CES5A: variants seen among roughly 807,000 people sequenced by gnomAD.
CES5A encodes carboxylesterase 5.
In CES5A, 67 loss-of-function variants were observed where a neutral mutation model predicts 62.9. The ratio of observed to expected loss-of-function variants is 1.07; its 90% confidence interval spans 0.88 to 1.31. The LOEUF is 1.31. Among genes scored for constraint, CES5A ranks in the 50% most tolerant of loss-of-function variants. The pLI, the probability that CES5A is intolerant of heterozygous loss-of-function variation, is 0.00. For synonymous variants in CES5A, 296 were observed against 280.8 expected, an observed-to-expected ratio of 1.05 and a Z score of -0.54; for missense variants, 748 against 708.5, an observed-to-expected ratio of 1.06 and a Z score of -0.63.
At chr16:55,906,954 T>G (rs1352053657) in intron 1 of CES5A, among the ~76,000 whole-genome samples, 2 of 152,206 alleles carry the variant, frequency 1.3e-5, no homozygotes, top group Non-Finnish European at 2.9e-5. Context: ...GTTTCCTCTT[T>G]CATGAAATGG....
chr16:55,906,246 T>C (rs1473597000), intron 1 of CES5A, among the ~76,000 whole-genome samples: 1 of 152,238 alleles, frequency 6.6e-6, no homozygotes. Flanking sequence ...CCCTGTTTCC[T>C]GGTGAGAGCA....
At chr16:55,869,585 G>T (rs1470501099) in intron 4 of CES5A, 26 bp downstream of exon 4, 1 of 1,611,020 alleles carries the variant, frequency 6.2e-7, no homozygotes, top group Admixed American at 1.7e-5. Flanking sequence ...GGGGATCTGG[G>T]ATGTCCATCA....
intron 2 of CES5A, among the ~76,000 whole-genome samples, chr16:55,944,996 C>T (rs544098484): frequency 1.8e-4 from 27 of 152,228 alleles, no homozygotes; most frequent in African/African-American, 5.5e-4. Flanking sequence ...TTGCTATATG[C>T]GTGATTTGAA....
intron 1 of CES5A, among the ~76,000 whole-genome samples, chr16:55,915,984 CAGTT>C (rs1193904411): frequency 6.6e-6 from 1 of 152,180 alleles, no homozygotes; most frequent in African/African-American, 2.4e-5. Context: ...AATAAAGAAA[CAGTT>C]TAATAGACAC....
chr16:55,905,694 C>A (rs1035947021), intron 1 of CES5A, among the ~76,000 whole-genome samples: 1 of 152,090 alleles, frequency 6.6e-6, no homozygotes, highest in East Asian at 1.9e-4. Context: ...CTTCCTCCCA[C>A]GCCCAGAGCA....
chr16:55,887,586 T>A (rs1487758894), intron 1 of CES5A, among the ~76,000 whole-genome samples: 1 of 152,134 alleles, frequency 6.6e-6, no homozygotes, highest in Non-Finnish European at 1.5e-5. Context: ...CAATGGATAC[T>A]GAACTTGTTC....
chr16:55,847,077 C>A (rs1378195858), intron 11 of CES5A, among the ~76,000 whole-genome samples: 1 of 152,158 alleles, frequency 6.6e-6, no homozygotes, highest in African/African-American at 2.4e-5. Context: ...CTGTCCACCC[C>A]GTGTTCCTGC....
Position 55,868,107 on chromosome 16 carries a change from G to C in CES5A, c.551+1504C>G, listed in dbSNP as rs548933153. Among the ~76,000 whole-genome samples the C allele has an allele frequency of 3.3e-5, 5 of 152,290 alleles. No homozygotes were observed. In the East Asian group the frequency reaches 9.7e-4, roughly 29 times the overall value. ...TGGCATTCAAGGCCTTTCCCTATCA[G>C]GCCTGTCCTTGCCTTCCCGCATCCA... On this transcript the variant is annotated intron_variant, in intron 4 of 12. Coordinates refer to ENST00000290567, the MANE Select transcript of CES5A (RefSeq NM_001143685.2).
intron 8 of CES5A, 122 bp downstream of exon 8, chr16:55,859,425 G>A (rs2033307746): frequency 1.1e-6 from 1 of 907,618 alleles, no homozygotes; most frequent in African/African-American, 1.7e-5. Flanking sequence ...ATCACTGTGT[G>A]CTTGGCTGGT....
intron 1 of CES5A, among the ~76,000 whole-genome samples, chr16:55,955,147 C>T (rs562513742): frequency 6.6e-6 from 1 of 152,244 alleles, no homozygotes; most frequent in East Asian, 1.9e-4. Context: ...GCTCAGTGTA[C>T]ACCAAAGAAA....
rs2033016179 is a variant in CES5A at position 55,846,616 on chromosome 16, C to T, written c.1563G>A (p.Leu521=). The T allele has an allele frequency of 6.2e-7, 1 of 1,614,010 alleles. No individual in the cohort carries two copies. Among genetic ancestry groups the T allele is most frequent in the South Asian group, 1.1e-5 (1 of 91,082 alleles). Residue 521 remains leucine (L), a synonymous_variant, in exon 13 of 13, where the codon CTG becomes CTA. Transcript: ENST00000290567. Reference sequence around the variant, plus strand: ...TCTGTCCGAGGCTCATGTTCAAGTCCAGCTGGAGGTACTGCTCAGTCAGAT... The same window carrying T: ...TCTGTCCGAGGCTCATGTTCAAGTCTAGCTGGAGGTACTGCTCAGTCAGAT... ...AYNLTEQYLQ[L]DLNMSLGQRL... is the part of the protein sequence containing the mutation.
chr16:55,944,744 C>T (rs2034476796), intron 2 of CES5A, among the ~76,000 whole-genome samples: 1 of 152,206 alleles, frequency 6.6e-6, no homozygotes. Context: ...CTGGGTACAG[C>T]TTCTCTACTT....
intron 1 of CES5A, among the ~76,000 whole-genome samples, chr16:55,881,465 G>C (rs766494398): frequency 6.6e-6 from 1 of 152,212 alleles, no homozygotes; most frequent in Non-Finnish European, 1.5e-5. Context: ...ATTAGCACAA[G>C]AGCACATTCT....
At chr16:55,954,172 G>C (rs2034584834) in intron 1 of CES5A, among the ~76,000 whole-genome samples, 1 of 152,072 alleles carries the variant, frequency 6.6e-6, no homozygotes, top group Non-Finnish European at 1.5e-5. Context: ...CTGCTTTTTA[G>C]GTTCTATTTC....
chr16:55,849,351 A>T (rs1476870286), intron 11 of CES5A, among the ~76,000 whole-genome samples: 1 of 13,578 alleles, frequency 7.4e-5, no homozygotes, highest in Non-Finnish European at 2.0e-4. Flanking sequence ...CTAGTATATT[A>T]AAAAAAAAAA....
At chr16:55,853,660 T>C (rs1225853495) in intron 9 of CES5A, among the ~76,000 whole-genome samples, 7 of 152,084 alleles carry the variant, frequency 4.6e-5, no homozygotes, top group Admixed American at 3.3e-4. Flanking sequence ...CCCAGAGCAG[T>C]TCTTTAGTCC....
At chr16:55,868,094 C>T (rs185978507) in intron 4 of CES5A, among the ~76,000 whole-genome samples, 40 of 152,310 alleles carry the variant, frequency 2.6e-4, no homozygotes, top group South Asian at 1.0e-3. Flanking sequence ...GCATTCAAGG[C>T]CTTTCCCTAT....
At chr16:55,860,154 C>CT (rs199642762) in intron 7 of CES5A, among the ~76,000 whole-genome samples, 7,105 of 151,204 alleles carry the variant, frequency 0.047, 280 homozygotes, top group South Asian at 0.17. Flanking sequence ...CCTGAACAAG[C>CT]TTTTTTTTTG....
At chr16:55,944,191 T>G (rs2034471460) in intron 2 of CES5A, 1 of 691,374 alleles carries the variant, frequency 1.4e-6, no homozygotes, top group Non-Finnish European at 2.6e-6. Flanking sequence ...CCAGTCCTGG[T>G]TCCATCAATA....
Sources: allele counts gnomAD v4.1 joint callset (sites outside exome capture counted in the v4.1 genomes callset), GRCh38; gene constraint gnomAD v4.1.1; transcripts MANE v1.5; gene names NCBI Gene and HGNC (gene_info 2026-07-23, HGNC 2026-07-21).